The following PARVB variants were observed in gnomAD, a reference collection of about 807,000 sequenced individuals.
PARVB encodes beta-parvin.
A neutral mutation model predicts 47.0 loss-of-function variants in PARVB; 46 were observed. The ratio of observed to expected loss-of-function variants is 0.98; its 90% CI spans 0.77 to 1.25. The LOEUF (loss-of-function observed/expected upper bound fraction) is 1.25. PARVB is among the 50% of genes most tolerant of loss of function. PARVB has a pLI of 0.00. For synonymous variants in PARVB, 196 were observed against 196.3 expected, an observed-to-expected ratio of 1.00 and a Z score of 0.01; for missense variants, 473 against 471.6, an observed-to-expected ratio of 1.00 and a Z score of -0.03.
At chr22:44,033,697 C>T (rs1042614194) in intron 1 of PARVB, among the ~76,000 whole-genome samples, 1 of 152,182 alleles carries the variant, frequency 6.6e-6, no homozygotes, top group Non-Finnish European at 1.5e-5. Flanking sequence ...TTTGCTTGTT[C>T]TCTTACAAAG....
chr22:44,050,518 A>G (rs1000485643), intron 1 of PARVB, among the ~76,000 whole-genome samples: 12 of 152,042 alleles, frequency 7.9e-5, no homozygotes, highest in African/African-American at 2.9e-4. Context: ...TTGTATTTTT[A>G]GTAGAGATGG....
intron 11 of PARVB, among the ~76,000 whole-genome samples, chr22:44,161,057 C>T (rs139971997): frequency 6.4e-4 from 97 of 152,272 alleles, no homozygotes; most frequent in African/African-American, 2.2e-3. Context: ...AATCTTTTCT[C>T]GCTATTCCCT....
intron 1 of PARVB, among the ~76,000 whole-genome samples, chr22:44,056,995 AGCTGGGGGCTGAGCTGGGGGTG>A: frequency 7.8e-5 from 1 of 12,844 alleles, no homozygotes; most frequent in Non-Finnish European, 1.4e-4. Flanking sequence ...CTGGGGGTGG[AGCTGGGGGCTGAGCTGGGGGTG>A]GAGCTGGGGG....
At chr22:44,063,758 C>T (rs1202342233) in intron 1 of PARVB, among the ~76,000 whole-genome samples, 2 of 152,128 alleles carry the variant, frequency 1.3e-5, no homozygotes, top group Non-Finnish European at 2.9e-5. Flanking sequence ...ATGGTCTGTG[C>T]CCCTTGGGAT....
intron 12 of PARVB, among the ~76,000 whole-genome samples, chr22:44,167,790 G>A (rs1178723942): frequency 1.3e-5 from 2 of 152,098 alleles, no homozygotes; most frequent in East Asian, 3.9e-4. Flanking sequence ...CTTTTGCTCT[G>A]ACAGCACACT....
intron 1 of PARVB, among the ~76,000 whole-genome samples, chr22:44,062,132 T>C (rs2051431126): frequency 6.6e-6 from 1 of 152,230 alleles, no homozygotes; most frequent in Non-Finnish European, 1.5e-5. Context: ...GTAAGACTTC[T>C]GACACCAGAG....
At chr22:44,065,639 C>T (rs1258815236) in intron 1 of PARVB, among the ~76,000 whole-genome samples, 1 of 152,198 alleles carries the variant, frequency 6.6e-6, no homozygotes, top group Non-Finnish European at 1.5e-5. Context: ...CCACCCTTTC[C>T]CCAAGTCCCC....
At chr22:44,119,749 C>G (rs765307570) in intron 4 of PARVB, 1 of 527,322 alleles carries the variant, frequency 1.9e-6, no homozygotes, top group South Asian at 1.4e-5. Context: ...TCAGAACTTA[C>G]AGTCTGTCTG....
chr22:44,038,900 C>T lies in PARVB; in HGVS notation c.112+14449C>T, dbSNP rs144723579. 8.4e-3 allele frequency among the ~76,000 whole-genome samples: 1,276 copies of T among 152,160 alleles called. 16 individuals carry two copies. The highest frequency in any genetic ancestry group is 0.029 in the African/African-American group (1,211 of 41,504). On this transcript the variant is annotated intron_variant, in intron 1 of 12. Coordinates refer to ENST00000338758, the MANE Select transcript of PARVB (RefSeq NM_013327.5). ...GGGTCCAGGAGATGGAGAGAACTTC[C>T]GCAACTCAAGAATAAAAACACAGTC...
At chr22:44,077,313 TG>T (rs1222926565) in intron 1 of PARVB, among the ~76,000 whole-genome samples, 1 of 152,146 alleles carries the variant, frequency 6.6e-6, no homozygotes, top group Non-Finnish European at 1.5e-5. Context: ...CCTCTTCACG[TG>T]GGCCTCCTTC....
At position 44,004,224 on chromosome 22, in the gene PARVB, C is replaced by T. The variant is rs536823162; in HGVS notation, c.211+4551C>T. Among the ~76,000 whole-genome samples the T allele has an allele frequency of 3.9e-5, 6 of 152,332 alleles. No individual in the cohort carries two copies. The South Asian group carries it at 1.2e-3, about 32-fold the overall frequency. On this transcript the variant is annotated intron_variant, in intron 2 of 13. Coordinates refer to the PARVB transcript ENST00000406477. ...GGCACAGAAAAGGGAGCCTGGGTACCCCCTGCTGGCAGAGGTGCTGGGGCA... is the reference window on the plus strand; with the variant it reads ...GGCACAGAAAAGGGAGCCTGGGTACTCCCTGCTGGCAGAGGTGCTGGGGCA...
At chr22:44,119,218 A>G in intron 4 of PARVB, 78 bp downstream of exon 4, 2 of 983,392 alleles carry the variant, frequency 2.0e-6, no homozygotes, top group Non-Finnish European at 3.3e-6. Flanking sequence ...GATTCTCTGC[A>G]TAGTGACATC....
intron 1 of PARVB, chr22:44,081,707 G>A (rs1048442835): frequency 7.6e-5 from 57 of 750,158 alleles, no homozygotes; most frequent in Non-Finnish European, 9.1e-5. Context: ...CCCCCGCCTC[G>A]GTGGGGCTCA....
intron 1 of PARVB, among the ~76,000 whole-genome samples, chr22:44,043,656 C>T (rs755694052): frequency 6.6e-5 from 10 of 152,134 alleles, no homozygotes; most frequent in South Asian, 2.1e-4. Flanking sequence ...GGATTACAGG[C>T]GTAAGCCACT....
In PARVB at chr22:44,087,292, G is replaced by A. The variant is rs141282203; in HGVS notation, c.113-6636G>A. 2.8e-3 allele frequency among the ~76,000 whole-genome samples: 421 copies of A among 152,330 alleles called. 5 individuals carry two copies. The highest frequency in any genetic ancestry group is 9.8e-3 in the African/African-American group (407 of 41,586). ...TGCACGGATGGTGTAGAAAGTCCCCGTAGGTGGCAAAGCATCTCTGCTGTG... is the reference window on the plus strand; with the variant it reads ...TGCACGGATGGTGTAGAAAGTCCCCATAGGTGGCAAAGCATCTCTGCTGTG... On this transcript the variant is annotated intron_variant, in intron 1 of 12. Transcript: ENST00000338758.
At chr22:44,084,649 GTTA>G (rs1381742680) in intron 1 of PARVB, among the ~76,000 whole-genome samples, 2 of 152,244 alleles carry the variant, frequency 1.3e-5, no homozygotes, top group African/African-American at 4.8e-5. Context: ...TCAGAGTCAT[GTTA>G]TTATTCTGCA....
chr22:44,034,549 A>G (rs2050885546), intron 1 of PARVB, among the ~76,000 whole-genome samples: 1 of 151,992 alleles, frequency 6.6e-6, no homozygotes, highest in Non-Finnish European at 1.5e-5. Context: ...GCACACCACC[A>G]TGCCCAGCTC....
chr22:44,053,088 T>TC (rs1234261629), intron 1 of PARVB, among the ~76,000 whole-genome samples: 1 of 151,106 alleles, frequency 6.6e-6, no homozygotes, highest in Admixed American at 6.6e-5. Flanking sequence ...CACATCTTTT[T>TC]TTTTTTTTTT....
Position 44,122,554 on chromosome 22 carries a change from CACAGAGACAGAGAGAGAGAGAG to C in PARVB, c.376+3416_376+3437del, listed in dbSNP as rs2053086343. 5.4e-4 allele frequency among the ~76,000 whole-genome samples: 29 copies of C among 54,056 alleles called. No individual in the cohort carries two copies. In the East Asian group the frequency reaches 5.9e-3, roughly 11 times the overall value. 35.5% of individuals were successfully genotyped at this position (54,056 alleles called of 152,430 possible). On this transcript the variant is annotated intron_variant, in intron 4 of 12. Coordinates refer to ENST00000338758, the MANE Select transcript of PARVB (RefSeq NM_013327.5). ...AGAGAGAGAGAGAGAGAGAGAGAGA[CACAGAGACAGAGAGAGAGAGAG>C]AGAGAGAGAGAGAGAGAGAGAGAGA...
Sources: allele counts gnomAD v4.1 joint callset (sites outside exome capture counted in the v4.1 genomes callset), GRCh38; gene constraint gnomAD v4.1.1; transcripts MANE v1.5; gene names NCBI Gene and HGNC (gene_info 2026-07-23, HGNC 2026-07-21).